TLE5: variants seen among roughly 807,000 people sequenced by gnomAD.
TLE5 encodes the protein TLE family member 5.
In TLE5, 7 loss-of-function variants were observed where a neutral mutation model predicts 25.8. The ratio of observed to expected loss-of-function variants is 0.27; its 90% CI spans 0.15 to 0.51. The LOEUF is 0.51. Ranked by LOEUF, TLE5 falls within the 20% of genes least tolerant of loss-of-function variation. The pLI, the probability that TLE5 is intolerant of heterozygous loss-of-function variation, is 0.97. For missense variants in TLE5, 149 were observed against 250.7 expected (o/e 0.59, Z 2.74); for synonymous variants, 132 against 110.5 (o/e 1.20, Z -1.22).
At position 3,053,737 on chromosome 19, in the gene TLE5, G is replaced by C. The variant is rs562856203; in HGVS notation, c.*82C>G. 5.4e-6 allele frequency: 8 copies of C among 1,473,088 alleles called. No individual in the cohort carries two copies. In the Admixed American group the frequency reaches 1.2e-4, roughly 21 times the overall value. The allele number at this position is 1,473,088 out of a possible 1,614,324, so 91.3% of individuals were successfully genotyped here. Reference sequence around the variant, plus strand: ...TTTAGCCAATCCCGAGCTCCGCTGTGTCTTGTGCTAAACATTCCTTTCTCT... The same window carrying C: ...TTTAGCCAATCCCGAGCTCCGCTGTCTCTTGTGCTAAACATTCCTTTCTCT... On this transcript the variant is annotated 3_prime_UTR_variant, in exon 7 of 7. Coordinates refer to ENST00000327141, the MANE Select transcript of TLE5 (RefSeq NM_001130.6).
At chr19:3,057,038 C>T (rs550701718) in intron 3 of TLE5, among the ~76,000 whole-genome samples, 18 of 152,280 alleles carry the variant, frequency 1.2e-4, no homozygotes, top group Admixed American at 9.2e-4. Context: ...ATTCTTCTGG[C>T]TGGGAGGGTC....
chr19:3,056,485 G>A lies in TLE5; in HGVS notation c.190-129C>T, dbSNP rs762197057. 8 of 601,758 alleles carry A rather than the reference G, an allele frequency of 1.3e-5. No homozygotes were observed. In the South Asian group the frequency reaches 1.4e-4, roughly 11 times the overall value. The allele number at this position is 601,758 out of a possible 1,614,324, so 37.3% of individuals were successfully genotyped here. Reference sequence around the variant, plus strand: ...AGACAGCAAGAGACAGCTGAGGGCAGGAAAGAAAGGAGAGGCAGGTGGGAG... The same window carrying A: ...AGACAGCAAGAGACAGCTGAGGGCAAGAAAGAAAGGAGAGGCAGGTGGGAG... On this transcript the variant is annotated intron_variant, in intron 3 of 6. Coordinates refer to ENST00000327141, the MANE Select transcript of TLE5 (RefSeq NM_001130.6).
chr19:3,059,281 G>T (rs1480640487), intron 2 of TLE5, among the ~76,000 whole-genome samples: 1 of 152,210 alleles, frequency 6.6e-6, no homozygotes, highest in Non-Finnish European at 1.5e-5. Flanking sequence ...CAGCATTTTG[G>T]GAGGCCAAGG....
chr19:3,061,773 C>G (rs1169528757), intron 1 of TLE5, among the ~76,000 whole-genome samples: 1 of 151,248 alleles, frequency 6.6e-6, no homozygotes, highest in Non-Finnish European at 1.5e-5. Context: ...TCGGATCACC[C>G]CCCCCACCAC....
chr19:3,061,566 G>C (rs1038871041), intron 1 of TLE5, among the ~76,000 whole-genome samples: 1 of 151,938 alleles, frequency 6.6e-6, no homozygotes, highest in East Asian at 1.9e-4. Flanking sequence ...AAAGCGCCGG[G>C]AGGGAGTGCA....
intron 4 of TLE5, 169 bp from the exon 5 acceptor site, chr19:3,055,895 C>T: frequency 1.6e-6 from 1 of 634,798 alleles, no homozygotes; most frequent in Admixed American, 3.2e-5. Context: ...CCGAGGGCAG[C>T]CAGTCAGTGG....
chr19:3,062,149 C>T, intron 1 of TLE5, 25 bp downstream of exon 1: 2 of 1,134,652 alleles, frequency 1.8e-6, no homozygotes, highest in East Asian at 4.1e-5. Flanking sequence ...GGGGTGGGGG[C>T]GCCGGCCGGA....
intron 3 of TLE5, chr19:3,056,566 G>T (rs751165254): frequency 1.7e-4 from 110 of 654,524 alleles, no homozygotes; most frequent in Non-Finnish European, 2.8e-4. Flanking sequence ...CTGGAGAGGG[G>T]CAGGGGGCCG....
chr19:3,062,916 C>A (rs1452482793), upstream of TLE5: 3 of 1,065,394 alleles, frequency 2.8e-6, no homozygotes, highest in Non-Finnish European at 4.2e-6. Flanking sequence ...GGAAGCCATT[C>A]TTGTGACACA....
rs1482033193 is a variant in TLE5 at position 3,056,214 on chromosome 19, CG to C, written c.234+97del. 2.2e-5 allele frequency: 18 copies of C among 815,284 alleles called. No homozygotes were observed. In the African/African-American group the frequency reaches 3.8e-4, roughly 17 times the overall value. 50.5% of individuals were successfully genotyped at this position (815,284 alleles called of 1,614,324 possible). ...GCTGGCTTGGTGCCCAGCCGAGGGC[CG>C]GCCGCTACCTGCCTGGGGGTGCCCA... On this transcript the variant is annotated intron_variant, in intron 4 of 6. Coordinates refer to ENST00000327141, the MANE Select transcript of TLE5 (RefSeq NM_001130.6).
chr19:3,058,332 GAC>G (rs550788801), intron 2 of TLE5, among the ~76,000 whole-genome samples: 232 of 152,244 alleles, frequency 1.5e-3, no homozygotes, highest in African/African-American at 5.4e-3. Flanking sequence ...TTTTATAGAT[GAC>G]ACAGTGGACA....
rs1599271350 is a variant in TLE5, at chr19:3,057,670, T to G, written c.189+9A>C. 6.2e-7 allele frequency: 1 copy of G among 1,612,526 alleles called. No individual in the cohort carries two copies. Among genetic ancestry groups the G allele is most frequent in the Non-Finnish European group, 8.5e-7 (1 of 1,179,562 alleles). The stretch of plus-strand genomic sequence containing the variant: ...CCCAACACTGGACCTGGGGGCGGAG[T>G]GACGTTACCATCACATAGTGACGCT... On this transcript the variant is annotated intron_variant, in intron 3 of 6. Transcript: ENST00000327141.
chr19:3,054,086 T>TCGGGGGGGGGGGCCC, intron 6 of TLE5, 34 bp downstream of exon 6: 107 of 1,512,172 alleles, frequency 7.1e-5, no homozygotes, highest in Non-Finnish European at 8.7e-5. Context: ...GGCCCACCTG[T>TCGGGGGGGGGGGCCC]CCCCCGCCCA....
At chr19:3,054,231 C>T (rs1568262842) in intron 5 of TLE5, 37 bp from the exon 6 acceptor site, 1 of 1,590,848 alleles carries the variant, frequency 6.3e-7, no homozygotes, top group Non-Finnish European at 8.6e-7. Flanking sequence ...GGCAGTGATT[C>T]CTCCTGATCC....
Position 3,061,149 on chromosome 19 carries a change from C to A in TLE5, c.125+11G>T, listed in dbSNP as rs756090405. ...TCTCGGGACGCAGGGACCCCCAGTC[C>A]CCCAGCTCACCTGTGGTACTGAGCT... is the stretch of plus-strand genomic sequence containing the variant. On this transcript the variant is annotated intron_variant, in intron 2 of 6. Coordinates refer to ENST00000327141, the MANE Select transcript of TLE5 (RefSeq NM_001130.6). 6.9e-6 allele frequency: 11 copies of A among 1,605,426 alleles called. No individual in the cohort carries two copies. Among genetic ancestry groups the A allele is most frequent in the Non-Finnish European group, 9.4e-6 (11 of 1,172,498 alleles).
intron 5 of TLE5, 113 bp downstream of exon 5, chr19:3,055,551 G>A (rs1364619475): frequency 1.1e-6 from 1 of 887,996 alleles, no homozygotes; most frequent in African/African-American, 1.7e-5. Context: ...GTCCAGAGAG[G>A]GGAGGCGTGT....
At chr19:3,057,291 G>C (rs2090227239) in intron 3 of TLE5, 1 of 223,268 alleles carries the variant, frequency 4.5e-6, no homozygotes, top group East Asian at 1.1e-4. Context: ...TTTGAGCTCG[G>C]GCCCAAAGGG....
intron 2 of TLE5, among the ~76,000 whole-genome samples, chr19:3,060,767 C>T (rs1370932886): frequency 1.3e-5 from 2 of 152,074 alleles, no homozygotes; most frequent in African/African-American, 2.4e-5. Context: ...TGCTGGGAAC[C>T]CTTTCTCCAA....
intron 2 of TLE5, among the ~76,000 whole-genome samples, chr19:3,060,624 G>T (rs967959479): frequency 6.6e-6 from 1 of 152,108 alleles, no homozygotes; most frequent in Middle Eastern, 3.4e-3. Flanking sequence ...GAGCCACCAC[G>T]CCTGGCCTGG....
Sources: gnomAD v4.1 joint callset for allele counts (sites outside exome capture counted in the v4.1 genomes callset) on GRCh38, gnomAD v4.1.1 for gene constraint, MANE v1.5 for transcripts, NCBI Gene and HGNC (gene_info 2026-07-23, HGNC 2026-07-21) for gene names.